SLCO1B3: variants seen among roughly 807,000 people sequenced by gnomAD.
SLCO1B3 encodes the protein solute carrier organic anion transporter family member 1B3, also known as liver-specific organic anion transporter 2.
Under a neutral mutation model 71.8 loss-of-function variants are expected in SLCO1B3, and 72 were observed. The ratio of observed to expected loss-of-function variants is 1.00; its 90% CI spans 0.83 to 1.22. The LOEUF is 1.22. SLCO1B3 is among the 50% of genes most tolerant of loss of function. SLCO1B3 has a pLI of 0.00. For missense variants in SLCO1B3, 911 were observed against 819.7 expected (o/e 1.11, Z -1.36); for synonymous variants, 298 against 278.4 (o/e 1.07, Z -0.70).
chr12:20,842,654 G>A (rs1042262832), intron 3 of SLCO1B3, among the ~76,000 whole-genome samples: 13 of 151,558 alleles, frequency 8.6e-5, no homozygotes, highest in African/African-American at 1.2e-4. Flanking sequence ...GTCCACTTAC[G>A]TTTATTGTAT....
chr12:20,887,417 G>A, intron 13 of SLCO1B3, among the ~76,000 whole-genome samples: 1 of 151,618 alleles, frequency 6.6e-6, no homozygotes, highest in East Asian at 1.9e-4. Flanking sequence ...CTATCTTGAT[G>A]AGTATAAGAT....
At chr12:20,832,477 C>T (rs1864562968) in intron 3 of SLCO1B3, among the ~76,000 whole-genome samples, 2 of 148,736 alleles carry the variant, frequency 1.3e-5, no homozygotes, top group African/African-American at 5.1e-5. Context: ...AAATCTTTAA[C>T]AACAAAAAAG....
At chr12:20,831,634 T>A (rs1864545026) in intron 3 of SLCO1B3, among the ~76,000 whole-genome samples, 1 of 152,202 alleles carries the variant, frequency 6.6e-6, no homozygotes, top group Non-Finnish European at 1.5e-5. Context: ...TTTTAAATTA[T>A]CAGTATTTTA....
Position 20,815,708 on chromosome 12 carries a change from A to G in SLCO1B3, c.-31A>G, listed in dbSNP as rs1398305623. 1.5e-6 allele frequency: 2 copies of G among 1,313,118 alleles called. No homozygotes were observed. Among genetic ancestry groups the G allele is most frequent in the Non-Finnish European group, 2.2e-6 (2 of 917,346 alleles). 81.3% of individuals were successfully genotyped at this position (1,313,118 alleles called of 1,614,324 possible). A position where few individuals can be genotyped will look rare whatever the true frequency, so the allele number is the denominator to read the frequency against. On this transcript the variant is annotated 5_prime_UTR_variant, in exon 3 of 16. It removes the in-frame stop codon of an upstream open reading frame in the 5' UTR. Coordinates refer to ENST00000381545, the MANE Select transcript of SLCO1B3 (RefSeq NM_019844.4). ...TCAAACCAAGCATCAGCAACAATTAAAAATATTCACTTGGTATCTGTAGTT... is the reference window on the plus strand; with the variant it reads ...TCAAACCAAGCATCAGCAACAATTAGAAATATTCACTTGGTATCTGTAGTT...
At chr12:20,854,657 CT>C in intron 3 of SLCO1B3, among the ~76,000 whole-genome samples, 1 of 152,214 alleles carries the variant, frequency 6.6e-6, no homozygotes. Context: ...CCTGCATGCA[CT>C]GCCATTCCCC....
intron 1 of SLCO1B3, among the ~76,000 whole-genome samples, chr12:20,810,982 A>T (rs1304433234): frequency 2.0e-5 from 3 of 152,198 alleles, no homozygotes; most frequent in Non-Finnish European, 2.9e-5. Flanking sequence ...AGAGTAAATC[A>T]TACCTTTATA....
intron 15 of SLCO1B3, among the ~76,000 whole-genome samples, chr12:20,910,236 A>G (rs1337150972): frequency 6.6e-6 from 1 of 152,112 alleles, no homozygotes; most frequent in Non-Finnish European, 1.5e-5. Context: ...TAGTACCTTT[A>G]TGTTTTTCTA....
intron 5 of SLCO1B3, among the ~76,000 whole-genome samples, chr12:20,859,321 A>G (rs961017215): frequency 1.7e-4 from 26 of 152,150 alleles, no homozygotes; most frequent in Non-Finnish European, 1.9e-4. Context: ...GGAAAAATGT[A>G]CTTTATTCCA....
chr12:20,879,876 G>T (rs1047390609), intron 11 of SLCO1B3, among the ~76,000 whole-genome samples: 9 of 152,170 alleles, frequency 5.9e-5, no homozygotes, highest in African/African-American at 2.2e-4. Flanking sequence ...ATTAAAATGA[G>T]TGGTAGACAC....
intron 13 of SLCO1B3, among the ~76,000 whole-genome samples, chr12:20,889,613 GCTAT>G (rs1865862621): frequency 6.6e-6 from 1 of 151,940 alleles, no homozygotes; most frequent in Admixed American, 6.6e-5. Flanking sequence ...CTACTAGTAA[GCTAT>G]CTATCTTACT....
At chr12:20,883,035 C>T (rs1056075984) in intron 12 of SLCO1B3, among the ~76,000 whole-genome samples, 2 of 152,130 alleles carry the variant, frequency 1.3e-5, no homozygotes, top group Non-Finnish European at 2.9e-5. Flanking sequence ...GTCCCATTTT[C>T]ATGAGTGGCT....
In SLCO1B3 at chr12:20,858,425, T is replaced by A. The variant is rs1565591596; in HGVS notation, c.227-14T>A. On this transcript the variant is annotated splice_polypyrimidine_tract_variant and intron_variant, in intron 4 of 15. Transcript: ENST00000381545. ...ACACTAAGTCATATCAACATAATTT[T>A]GTTTTTTTTCTAGGAAATTTGCTTG... 1.3e-6 allele frequency: 2 copies of A among 1,545,128 alleles called. No homozygotes were observed. Among genetic ancestry groups the A allele is most frequent in the East Asian group, 4.5e-5 (2 of 44,372 alleles).
At chr12:20,820,983 C>T (rs565576247) in intron 3 of SLCO1B3, among the ~76,000 whole-genome samples, 95 of 151,780 alleles carry the variant, frequency 6.3e-4, no homozygotes, top group Non-Finnish European at 1.1e-3. Context: ...GGAGGGGAGG[C>T]GATAAAAAGT....
intron 3 of SLCO1B3, among the ~76,000 whole-genome samples, chr12:20,848,912 CTATCAATATACA>C (rs1864966712): frequency 6.6e-6 from 1 of 151,922 alleles, no homozygotes; most frequent in Non-Finnish European, 1.5e-5. Context: ...TGAAGAAGAC[CTATCAATATACA>C]TTTATCAGAA....
chr12:20,882,068 T>C (rs1477159101), intron 12 of SLCO1B3, among the ~76,000 whole-genome samples: 1 of 152,172 alleles, frequency 6.6e-6, no homozygotes, highest in Non-Finnish European at 1.5e-5. Context: ...ATTCATCAGC[T>C]ATAGTATCTT....
At chr12:20,875,177 A>G (rs1480235319) in intron 8 of SLCO1B3, 58 bp from the exon 9 acceptor site, 7 of 1,586,066 alleles carry the variant, frequency 4.4e-6, no homozygotes, top group Non-Finnish European at 6.0e-6. Flanking sequence ...ATTATTTCCC[A>G]GAACCTACTG....
At chr12:20,833,288 A>G (rs189137719) in intron 3 of SLCO1B3, among the ~76,000 whole-genome samples, 1 of 152,090 alleles carries the variant, frequency 6.6e-6, no homozygotes, top group Non-Finnish European at 1.5e-5. Context: ...TTGCCATGTT[A>G]CCTAACATAT....
chr12:20,901,951 CA>C, intron 15 of SLCO1B3: 2 of 423,092 alleles, frequency 4.7e-6, no homozygotes, highest in Non-Finnish European at 4.6e-6. Context: ...CTGGAAGAAA[CA>C]AAAAGCTGCT....
chr12:20,904,857 A>G (rs1866208428), intron 15 of SLCO1B3, among the ~76,000 whole-genome samples: 1 of 124,158 alleles, frequency 8.1e-6, no homozygotes, highest in African/African-American at 3.0e-5. Context: ...TCCCGTAACC[A>G]CCGCCTCCTG....
Sources: allele counts gnomAD v4.1 joint callset (sites outside exome capture counted in the v4.1 genomes callset), GRCh38; gene constraint gnomAD v4.1.1; transcripts MANE v1.5; gene names NCBI Gene and HGNC (gene_info 2026-07-23, HGNC 2026-07-21).